The following PLCD4 variants were observed in gnomAD, a reference collection of about 807,000 sequenced individuals.
The protein encoded by PLCD4 is phospholipase C delta 4.
Under a neutral mutation model 90.2 loss-of-function variants are expected in PLCD4, and 63 were observed. The ratio of observed to expected loss-of-function variants is 0.70; its 90% CI spans 0.57 to 0.86. PLCD4 has a LOEUF of 0.86. PLCD4 is among the 40% of genes least tolerant of loss of function. PLCD4 has a pLI of 0.00. For missense variants in PLCD4, 830 were observed against 956.3 expected, an observed-to-expected ratio of 0.87 and a Z score of 1.74; for synonymous variants, 294 against 356.5, an observed-to-expected ratio of 0.82 and a Z score of 1.97.
chr2:218,635,458 C>T lies in PLCD4; in HGVS notation c.1897-338C>T, dbSNP rs147490945. On this transcript the variant is annotated intron_variant, in intron 13 of 15. Coordinates refer to ENST00000450993, the MANE Select transcript of PLCD4 (RefSeq NM_032726.4). ...GGTTCAAGTGATTCTCCCATCTGAG[C>T]CTTCCGAGTAGCTGGGACTACAGGC... Among the ~76,000 whole-genome samples the T allele has an allele frequency of 3.0e-3, 453 of 152,210 alleles. 4 individuals are homozygous for T. The highest frequency in any genetic ancestry group is 9.9e-3 in the African/African-American group (410 of 41,538).
At chr2:218,624,452 A>G (rs1696014025) in intron 6 of PLCD4, among the ~76,000 whole-genome samples, 1 of 152,190 alleles carries the variant, frequency 6.6e-6, no homozygotes, top group East Asian at 1.9e-4. Flanking sequence ...GGCTGAGTGC[A>G]GTGGCTCACG....
At chr2:218,635,742 CG>C (rs1359167434) in intron 13 of PLCD4, 53 bp from the exon 14 acceptor site, 171 of 1,565,846 alleles carry the variant, frequency 1.1e-4, no homozygotes, top group Admixed American at 8.3e-4. Flanking sequence ...GGAGTAGGGT[CG>C]GGTGGGGCTG....
At position 218,632,133 on chromosome 2, in the gene PLCD4, T is replaced by C. The variant is rs557855440; in HGVS notation, c.1273-3T>C. ...GACAGGCCCCTTCATTTTTGTCCCC[T>C]AGGAGCTTCGGAGGAAGATCCTGGT... On this transcript the variant is annotated splice_polypyrimidine_tract_variant and splice_region_variant and intron_variant, in intron 9 of 15. Coordinates refer to ENST00000450993, the MANE Select transcript of PLCD4 (RefSeq NM_032726.4). The C allele has an allele frequency of 6.2e-7, 1 of 1,602,224 alleles. No individual in the cohort carries two copies. Among genetic ancestry groups the C allele is most frequent in the Non-Finnish European group, 8.5e-7 (1 of 1,174,680 alleles).
Position 218,622,640 on chromosome 2 carries a change from C to T in PLCD4, c.541-7C>T. The T allele has an allele frequency of 6.2e-7, 1 of 1,609,368 alleles. No individual in the cohort carries two copies. Among genetic ancestry groups the T allele is most frequent in the Middle Eastern group, 1.7e-4 (1 of 6,054 alleles). On this transcript the variant is annotated splice_region_variant and splice_polypyrimidine_tract_variant and intron_variant, in intron 5 of 15. Transcript: ENST00000450993. ...TTCATTCACTCTCCCCTAAACCTCT[C>T]TTGCAGGCAGCAGACACGTCCCAGT...
chr2:218,635,724 T>G (rs1030837408), intron 13 of PLCD4, 72 bp from the exon 14 acceptor site: 2 of 1,534,630 alleles, frequency 1.3e-6, no homozygotes, highest in Non-Finnish European at 1.8e-6. Context: ...TCTTCTCCCC[T>G]GGGGTTGGGA....
intron 6 of PLCD4, among the ~76,000 whole-genome samples, chr2:218,626,200 G>A (rs71415850): frequency 0.056 from 8,514 of 151,626 alleles, 339 homozygotes; most frequent in East Asian, 0.12. Flanking sequence ...CAAGGCTGCA[G>A]TGAGTTGTGA....
rs751590769 is a variant in PLCD4, at chr2:218,621,524, T to C, written c.465T>C (p.Ser155=). 1 of 1,613,688 alleles carries C rather than the reference T, an allele frequency of 6.2e-7. No individual in the cohort carries two copies. Among genetic ancestry groups the C allele is most frequent in the Non-Finnish European group, 8.5e-7 (1 of 1,179,818 alleles). The change falls in exon 5 of 16, where the codon AGT becomes AGC. Residue 155 remains serine (S), a synonymous_variant. Coordinates refer to ENST00000450993, the MANE Select transcript of PLCD4 (RefSeq NM_032726.4). The part of the protein sequence containing the change: ...RGDKNQDGKM[S]FQEVQRLLHL... ...ACAAAAATCAGGATGGTAAGATGAGTTTCCAAGAAGTTCAGCGGTTATTGC... is the reference window on the plus strand; with the variant it reads ...ACAAAAATCAGGATGGTAAGATGAGCTTCCAAGAAGTTCAGCGGTTATTGC...
chr2:218,615,838 C>A (rs1695554016), intron 2 of PLCD4, 66 bp from the exon 3 acceptor site: 1 of 1,605,046 alleles, frequency 6.2e-7, no homozygotes. Context: ...GACCCCTGTT[C>A]CAGAGCTCTC....
intron 9 of PLCD4, among the ~76,000 whole-genome samples, chr2:218,631,464 C>T (rs1230248592): frequency 6.7e-6 from 1 of 149,696 alleles, no homozygotes. Flanking sequence ...GCGCCTGGCC[C>T]TGAGTTTTCA....
In PLCD4 at chr2:218,631,992, TG is replaced by T. The variant is rs1253709947; in HGVS notation, c.1273-143del. 4.0e-6 allele frequency: 3 copies of T among 750,658 alleles called. No homozygotes were observed. In the African/African-American group the frequency reaches 5.3e-5, roughly 13 times the overall value. 46.5% of individuals were successfully genotyped at this position (750,658 alleles called of 1,614,324 possible). A position where few individuals can be genotyped will look rare whatever the true frequency, so the allele number is the denominator to read the frequency against. On this transcript the variant is annotated intron_variant, in intron 9 of 15. Coordinates refer to ENST00000450993, the MANE Select transcript of PLCD4 (RefSeq NM_032726.4). Reference sequence around the variant, plus strand: ...TAACAATATGGGAATTCCAATTGTATGTATCAAGCAGCTAATCTCTTCCCTC... The same window carrying T: ...TAACAATATGGGAATTCCAATTGTATTATCAAGCAGCTAATCTCTTCCCTC...
At chr2:218,635,229 C>T (rs1696654398) in intron 13 of PLCD4, among the ~76,000 whole-genome samples, 1 of 151,998 alleles carries the variant, frequency 6.6e-6, no homozygotes, top group African/African-American at 2.4e-5. Flanking sequence ...GACTGCCCCA[C>T]TGCATTCCAG....
intron 4 of PLCD4, among the ~76,000 whole-genome samples, chr2:218,619,199 C>T (rs1435452463): frequency 6.6e-6 from 1 of 151,944 alleles, no homozygotes; most frequent in Non-Finnish European, 1.5e-5. Flanking sequence ...CCATTTCATT[C>T]ATTTATTCAT....
chr2:218,624,135 A>G (rs2106142152), intron 6 of PLCD4, among the ~76,000 whole-genome samples: 1 of 152,364 alleles, frequency 6.6e-6, no homozygotes, highest in Admixed American at 6.5e-5. Flanking sequence ...AACCCAGGTC[A>G]TCTGACTCTT....
At chr2:218,627,610 T>C (rs1575030636) in intron 6 of PLCD4, among the ~76,000 whole-genome samples, 1 of 151,972 alleles carries the variant, frequency 6.6e-6, no homozygotes, top group East Asian at 2.0e-4. Context: ...CCTCCCGGGT[T>C]CACGCCATTC....
In PLCD4 at chr2:218,615,745, G is replaced by A. The variant is rs7582929; in HGVS notation, c.6G>A (p.Ala2=). The stretch of plus-strand genomic sequence containing the variant: ...AGCTGGTGGAACAGTGGGTGATGGC[G>A]TCCCTGCTGCAAGACCGTGAGTGCC... M[A]SLLQDQLTTD... The change falls in exon 2 of 16, where the codon GCG becomes GCA. Residue 2 remains alanine, a synonymous_variant. Coordinates refer to ENST00000450993, the MANE Select transcript of PLCD4 (RefSeq NM_032726.4). 3,602 of 1,606,562 alleles carry A rather than the reference G, an allele frequency of 2.2e-3. 48 individuals carry two copies. In the African/African-American group the frequency reaches 0.03, roughly 13 times the overall value.
chr2:218,614,481 G>A (rs140844298), intron 1 of PLCD4, among the ~76,000 whole-genome samples: 2,309 of 147,664 alleles, frequency 0.016, 46 homozygotes, highest in African/African-American at 0.054. Context: ...ACAGAGTCTC[G>A]CTGTGTCGCC....
intron 6 of PLCD4, among the ~76,000 whole-genome samples, chr2:218,624,815 A>G (rs561143667): frequency 6.6e-6 from 1 of 151,792 alleles, no homozygotes; most frequent in African/African-American, 2.4e-5. Context: ...AAAGTTTAAG[A>G]GATAGAATCT....
At chr2:218,608,948 C>G (rs938695450) in intron 1 of PLCD4, among the ~76,000 whole-genome samples, 1 of 151,794 alleles carries the variant, frequency 6.6e-6, no homozygotes, top group African/African-American at 2.4e-5. Context: ...ACCATCCTGG[C>G]TAACATGGTG....
Position 218,628,229 on chromosome 2 carries a change from C to T in PLCD4, c.973C>T (p.Arg325Trp), listed in dbSNP as rs61733653. The change falls in exon 7 of 16, where the codon CGG becomes TGG. Residue 325 changes from arginine to tryptophan, a missense_variant and splice_region_variant. Physicochemically the swap from Arg to Trp is moderately radical, Grantham distance 101. Transcript: ENST00000450993. ...CCAGAGCAGCGTCGAGGGATATATACGGTGCAGTGGTGGTAGAGAAGGGGT... is the reference window on the plus strand; with the variant it reads ...CCAGAGCAGCGTCGAGGGATATATATGGTGCAGTGGTGGTAGAGAAGGGGT... Reference protein sequence around the residue: ...CGQSSVEGYIRALKRGCRCVE... With the variant: ...CGQSSVEGYIWALKRGCRCVE... 9.4e-3 allele frequency: 15,211 copies of T among 1,613,280 alleles called. 118 individuals are homozygous for T. The highest frequency in any genetic ancestry group is 0.012 in the Non-Finnish European group (13,996 of 1,179,344).
Sources: gnomAD v4.1 joint callset for allele counts (sites outside exome capture counted in the v4.1 genomes callset) on GRCh38, gnomAD v4.1.1 for gene constraint, MANE v1.5 for transcripts, NCBI Gene and HGNC (gene_info 2026-07-23, HGNC 2026-07-21) for gene names.